CTNNA3: variants seen among roughly 807,000 people sequenced by gnomAD.
The protein encoded by CTNNA3 is catenin alpha-3.
In CTNNA3, 76 loss-of-function variants were observed where a neutral mutation model predicts 95.7. That is an observed-to-expected ratio of 0.79 (90% confidence interval 0.66 to 0.96). The LOEUF (loss-of-function observed/expected upper bound fraction) is 0.96, where lower values mean the gene tolerates loss of function less well. Ranked by LOEUF, CTNNA3 falls within the 40% of genes least tolerant of loss-of-function variation. The pLI, the probability that CTNNA3 is intolerant of heterozygous loss-of-function variation, is 0.00. For missense variants in CTNNA3, 1,191 were observed against 1,089.8 expected, an observed-to-expected ratio of 1.09 and a Z score of -1.31; for synonymous variants, 431 against 374.4, an observed-to-expected ratio of 1.15 and a Z score of -1.74.
chr10:66,066,212 A>T (rs781568723), intron 15 of CTNNA3, among the ~76,000 whole-genome samples: 3 of 152,144 alleles, frequency 2.0e-5, no homozygotes, highest in Non-Finnish European at 2.9e-5. Flanking sequence ...TTCTTTCCAT[A>T]TGTTGTTTTT....
chr10:66,503,195 T>G (rs1449244247), intron 11 of CTNNA3, among the ~76,000 whole-genome samples: 2 of 152,202 alleles, frequency 1.3e-5, no homozygotes, highest in African/African-American at 4.8e-5. Flanking sequence ...AATATGTAAT[T>G]TATTCAATTC....
chr10:67,311,682 A>G (rs577177785), intron 5 of CTNNA3, among the ~76,000 whole-genome samples: 2 of 152,340 alleles, frequency 1.3e-5, no homozygotes, highest in South Asian at 2.1e-4. Flanking sequence ...ACTCACAGAC[A>G]TATATTTAAG....
intron 10 of CTNNA3, among the ~76,000 whole-genome samples, chr10:66,562,872 A>C (rs1392083692): frequency 6.6e-6 from 1 of 152,120 alleles, no homozygotes; most frequent in Non-Finnish European, 1.5e-5. Flanking sequence ...AACCAATTAC[A>C]GTTCATCCTA....
intron 11 of CTNNA3, among the ~76,000 whole-genome samples, chr10:66,495,903 C>T (rs907497283): frequency 5.3e-5 from 8 of 152,088 alleles, no homozygotes; most frequent in African/African-American, 1.9e-4. Flanking sequence ...AGTGATCTGC[C>T]TGCCTTGGCC....
At chr10:66,041,915 A>G (rs1184855095) in intron 15 of CTNNA3, among the ~76,000 whole-genome samples, 1 of 152,174 alleles carries the variant, frequency 6.6e-6, no homozygotes, top group African/African-American at 2.4e-5. Context: ...TCCTTCTTCA[A>G]TGCATTTCAG....
chr10:66,482,602 A>C (rs1485993643), intron 11 of CTNNA3, among the ~76,000 whole-genome samples: 1 of 152,146 alleles, frequency 6.6e-6, no homozygotes, highest in East Asian at 1.9e-4. Flanking sequence ...GTATGCACTA[A>C]CAATTCAGTT....
intron 1 of CTNNA3, chr10:67,750,661 G>T (rs1175064916): frequency 6.5e-7 from 1 of 1,546,140 alleles, no homozygotes; most frequent in African/African-American, 1.4e-5. Context: ...CCGCAAAGAT[G>T]ATAAAGGTAA....
chr10:67,726,560 T>G (rs1160179766), intron 1 of CTNNA3, among the ~76,000 whole-genome samples: 1 of 68,890 alleles, frequency 1.5e-5, no homozygotes, highest in African/African-American at 6.4e-5. Context: ...TTATATAATA[T>G]AATATATATT....
intron 15 of CTNNA3, among the ~76,000 whole-genome samples, chr10:66,057,571 A>T (rs1033555851): frequency 6.6e-6 from 1 of 152,178 alleles, no homozygotes; most frequent in African/African-American, 2.4e-5. Context: ...ATATTAAAGC[A>T]TTTCTCATCA....
intron 1 of CTNNA3, among the ~76,000 whole-genome samples, chr10:67,652,915 T>G (rs149342564): frequency 1.3e-5 from 2 of 152,372 alleles, no homozygotes; most frequent in African/African-American, 4.8e-5. Flanking sequence ...TTCCCAACTT[T>G]ACTTTTCCTA....
chr10:67,046,669 A>C (rs1854766117), intron 7 of CTNNA3, among the ~76,000 whole-genome samples: 1 of 152,220 alleles, frequency 6.6e-6, no homozygotes, highest in African/African-American at 2.4e-5. Context: ...GCATGGTACT[A>C]GGGATACTAT....
At chr10:66,291,524 A>C (rs2091679938) in intron 12 of CTNNA3, among the ~76,000 whole-genome samples, 1 of 152,176 alleles carries the variant, frequency 6.6e-6, no homozygotes, top group Non-Finnish European at 1.5e-5. Flanking sequence ...TGCTAAAAGA[A>C]CCATGAATTT....
chr10:67,682,183 C>T (rs931743688), intron 1 of CTNNA3, among the ~76,000 whole-genome samples: 1 of 151,238 alleles, frequency 6.6e-6, no homozygotes, highest in Non-Finnish European at 1.5e-5. Flanking sequence ...AAAATTTAGC[C>T]CAGCGTGGTG....
intron 1 of CTNNA3, among the ~76,000 whole-genome samples, chr10:67,737,997 T>C (rs1270460807): frequency 6.6e-6 from 1 of 152,112 alleles, no homozygotes; most frequent in Admixed American, 6.5e-5. Context: ...CTTCCAGAAG[T>C]AGGAGCAGGC....
intron 7 of CTNNA3, among the ~76,000 whole-genome samples, chr10:67,115,219 G>A (rs534162306): frequency 7.2e-5 from 11 of 151,982 alleles, no homozygotes; most frequent in Admixed American, 4.6e-4. Context: ...CAAACAAGAC[G>A]ACTATAATCA....
At chr10:67,278,733 T>C (rs1839283558) in intron 5 of CTNNA3, among the ~76,000 whole-genome samples, 1 of 152,166 alleles carries the variant, frequency 6.6e-6, no homozygotes, top group Admixed American at 6.5e-5. Flanking sequence ...CTCTGTAGAA[T>C]GTGGATTTTT....
At chr10:66,377,333 T>C (rs2092803097) in intron 12 of CTNNA3, among the ~76,000 whole-genome samples, 1 of 152,076 alleles carries the variant, frequency 6.6e-6, no homozygotes, top group African/African-American at 2.4e-5. Flanking sequence ...TATATACAAC[T>C]AATTAGAAGA....
chr10:67,594,714 A>C (rs904450548), intron 3 of CTNNA3, among the ~76,000 whole-genome samples: 1 of 151,878 alleles, frequency 6.6e-6, no homozygotes, highest in East Asian at 1.9e-4. Flanking sequence ...TTTAGGTTTC[A>C]TTGATTTTTT....
intron 4 of CTNNA3, among the ~76,000 whole-genome samples, chr10:67,528,540 A>G (rs1840218844): frequency 6.6e-6 from 1 of 152,120 alleles, no homozygotes; most frequent in Admixed American, 6.6e-5. Flanking sequence ...CCTCTGCCCC[A>G]CTACCTTCTT....
Sources: gnomAD v4.1 joint callset for allele counts (sites outside exome capture counted in the v4.1 genomes callset) on GRCh38, gnomAD v4.1.1 for gene constraint, MANE v1.5 for transcripts, NCBI Gene and HGNC (gene_info 2026-07-23, HGNC 2026-07-21) for gene names.